Variants in VDR observed in about 807,000 individuals in gnomAD.
VDR encodes vitamin D receptor, also known as vitamin D3 receptor.
In VDR, 19 loss-of-function variants were observed where a neutral mutation model predicts 39.7. The ratio of observed to expected loss-of-function variants is 0.48; its 90% CI spans 0.33 to 0.70. The LOEUF is 0.70. Ranked by LOEUF, VDR falls within the 30% of genes least tolerant of loss-of-function variation. The pLI is 0.02. For synonymous variants in VDR, 242 were observed against 215.8 expected (o/e 1.12, Z -1.07); for missense variants, 442 against 570.5 (o/e 0.77, Z 2.29).
rs896932641 is a variant in VDR, at chr12:47,842,936, G to C, written c.*1810C>G. 2.0e-5 allele frequency: 3 copies of C among 152,046 alleles called. No individual in the cohort carries two copies. Among genetic ancestry groups the C allele is most frequent in the Non-Finnish European group, 2.9e-5 (2 of 68,026 alleles). The allele number at this position is 152,046 out of a possible 1,614,324, so 9.4% of individuals were successfully genotyped here. A position where few individuals can be genotyped will look rare whatever the true frequency, so the allele number is the denominator to read the frequency against. On this transcript the variant is annotated 3_prime_UTR_variant, in exon 10 of 10. Transcript: ENST00000549336. ...GTTCTGCAGCTAAAATCAAACAAGG[G>C]TCTCTCCCTAGACCCTTGTAAAATA... is the stretch of plus-strand genomic sequence containing the variant.
At chr12:47,880,219 A>G (rs536868535) in intron 2 of VDR, among the ~76,000 whole-genome samples, 2 of 152,318 alleles carry the variant, frequency 1.3e-5, no homozygotes, top group South Asian at 4.1e-4. Context: ...AGAGAAAGCC[A>G]GGAAACAAGA....
chr12:47,860,500 T>G (rs1565615809), intron 4 of VDR, among the ~76,000 whole-genome samples: 1 of 152,216 alleles, frequency 6.6e-6, no homozygotes, highest in African/African-American at 2.4e-5. Flanking sequence ...AAAGCTGACC[T>G]CTTTTATTGA....
chr12:47,900,707 A>C (rs151126072), intron 1 of VDR, among the ~76,000 whole-genome samples: 2 of 152,202 alleles, frequency 1.3e-5, no homozygotes, highest in African/African-American at 4.8e-5. Flanking sequence ...CTCGGGCCTC[A>C]TGGGTATTCC....
At chr12:47,879,213 C>A in intron 2 of VDR, 98 bp from the exon 3 acceptor site, 1 of 1,396,530 alleles carries the variant, frequency 7.2e-7, no homozygotes. Context: ...ATCCCACCGC[C>A]CCCACCCCCC....
chr12:47,860,369 A>G (rs1233839495), intron 4 of VDR, among the ~76,000 whole-genome samples: 4 of 152,120 alleles, frequency 2.6e-5, no homozygotes, highest in Non-Finnish European at 5.9e-5. Flanking sequence ...AAATGCATCC[A>G]CACAGATTAC....
chr12:47,878,322 C>T (rs11574052), intron 3 of VDR, among the ~76,000 whole-genome samples: 4,935 of 152,292 alleles, frequency 0.032, 98 homozygotes, highest in South Asian at 0.056. Context: ...TGGGAACCTC[C>T]AGTGCTTTTC....
intron 7 of VDR, 61 bp downstream of exon 7, chr12:47,855,569 C>T: frequency 9.4e-6 from 15 of 1,595,650 alleles, no homozygotes; most frequent in Middle Eastern, 1.7e-4. Flanking sequence ...ATCTCCAACC[C>T]TTCTTGTAGC....
At chr12:47,850,200 A>T (rs1416394265) in intron 7 of VDR, among the ~76,000 whole-genome samples, 1 of 152,180 alleles carries the variant, frequency 6.6e-6, no homozygotes, top group African/African-American at 2.4e-5. Flanking sequence ...ACAAATATAC[A>T]TAGAGAGAGG....
intron 2 of VDR, among the ~76,000 whole-genome samples, chr12:47,879,389 T>C (rs944562072): frequency 6.6e-6 from 1 of 152,238 alleles, no homozygotes; most frequent in Non-Finnish European, 1.5e-5. Flanking sequence ...AATTTGGGTT[T>C]AGTGGTTCAC....
intron 1 of VDR, among the ~76,000 whole-genome samples, chr12:47,892,544 G>A (rs1325516701): frequency 6.6e-6 from 1 of 152,192 alleles, no homozygotes; most frequent in African/African-American, 2.4e-5. Context: ...TTTCTTCTTG[G>A]CCTCACACTG....
At chr12:47,895,921 T>C (rs1383488680) in intron 1 of VDR, among the ~76,000 whole-genome samples, 1 of 152,178 alleles carries the variant, frequency 6.6e-6, no homozygotes, top group Non-Finnish European at 1.5e-5. Context: ...TCTGCATCCC[T>C]CCAGCCTCAC....
At chr12:47,871,011 AG>A (rs1419756914) in intron 3 of VDR, among the ~76,000 whole-genome samples, 1 of 152,190 alleles carries the variant, frequency 6.6e-6, no homozygotes, top group African/African-American at 2.4e-5. Context: ...AGGCAGCATC[AG>A]GGGGTTCTCC....
chr12:47,870,395 G>C (rs552147061), intron 3 of VDR, among the ~76,000 whole-genome samples: 13 of 152,162 alleles, frequency 8.5e-5, no homozygotes, highest in African/African-American at 3.1e-4. Flanking sequence ...GTTTCCATGA[G>C]AGCCCATTGC....
intron 1 of VDR, among the ~76,000 whole-genome samples, chr12:47,886,815 C>A (rs966507580): frequency 1.3e-5 from 2 of 152,220 alleles, no homozygotes; most frequent in African/African-American, 4.8e-5. Context: ...AGAACCACCT[C>A]CCACGGCAAT....
intron 1 of VDR, among the ~76,000 whole-genome samples, chr12:47,901,700 A>C (rs1433424321): frequency 6.6e-6 from 1 of 152,236 alleles, no homozygotes; most frequent in Non-Finnish European, 1.5e-5. Flanking sequence ...TGGATGAGCA[A>C]AATGTGGAGG....
intron 1 of VDR, among the ~76,000 whole-genome samples, chr12:47,890,031 G>C (rs1034356699): frequency 6.6e-6 from 1 of 151,820 alleles, no homozygotes; most frequent in Admixed American, 6.6e-5. Context: ...TCTGGAAAAA[G>C]GATTTAGTAC....
chr12:47,899,055 T>C (rs7302235), intron 1 of VDR, among the ~76,000 whole-genome samples: 49,074 of 151,952 alleles, frequency 0.32, 8,930 homozygotes, highest in African/African-American at 0.49. Flanking sequence ...TCGCGGTTTT[T>C]AAAAATGAAC....
chr12:47,855,386 G>A (rs1945463420), intron 7 of VDR, among the ~76,000 whole-genome samples: 1 of 150,932 alleles, frequency 6.6e-6, no homozygotes, highest in South Asian at 2.1e-4. Flanking sequence ...CGGGCGTGGT[G>A]TCTGGTGCCT....
At chr12:47,875,982 C>T (rs530649546) in intron 3 of VDR, among the ~76,000 whole-genome samples, 1 of 152,132 alleles carries the variant, frequency 6.6e-6, no homozygotes, top group South Asian at 2.1e-4. Flanking sequence ...CAGCACTACG[C>T]TTGGGAACTG....
Sources: allele counts gnomAD v4.1 joint callset (sites outside exome capture counted in the v4.1 genomes callset), GRCh38; gene constraint gnomAD v4.1.1; transcripts MANE v1.5; gene names NCBI Gene and HGNC (gene_info 2026-07-23, HGNC 2026-07-21).